Variants in ADK observed in about 807,000 individuals in gnomAD.
ADK encodes the protein adenosine kinase.
ADK carries 24 observed loss-of-function variants against 44.7 expected under a neutral mutation model. That is an observed-to-expected ratio of 0.54 (90% CI 0.39 to 0.76). The LOEUF is 0.76. Ranked by LOEUF, ADK falls within the 30% of genes least tolerant of loss-of-function variation. The probability of loss-of-function intolerance (pLI) is 0.00; values close to 1 mark genes in which losing one functional copy is unlikely to be tolerated. For synonymous variants in ADK, 128 were observed against 142.6 expected (o/e 0.90, Z 0.73); for missense variants, 321 against 425.1 (o/e 0.76, Z 2.15).
intron 6 of ADK, among the ~76,000 whole-genome samples, chr10:74,412,511 C>CCCCAAACCCAT (rs1263564800): frequency 6.6e-6 from 1 of 152,138 alleles, no homozygotes; most frequent in East Asian, 1.9e-4. Context: ...TCTGCCCAAA[C>CCCCAAACCCAT]CCATCAGATG....
At chr10:74,328,901 C>T (rs1841113275) in intron 4 of ADK, among the ~76,000 whole-genome samples, 1 of 151,634 alleles carries the variant, frequency 6.6e-6, no homozygotes, top group Non-Finnish European at 1.5e-5. Flanking sequence ...AATGAGACAC[C>T]ATCCTGAGTT....
At chr10:74,541,797 C>CCA (rs1554878469) in intron 7 of ADK, among the ~76,000 whole-genome samples, 1 of 125,006 alleles carries the variant, frequency 8.0e-6, no homozygotes, top group African/African-American at 3.1e-5. Context: ...CCCACACACC[C>CCA]CCCCCCCCTA....
At position 74,327,935 on chromosome 10, in the gene ADK, G is replaced by A. The variant is rs188358699; in HGVS notation, c.273+13190G>A. On this transcript the variant is annotated intron_variant, in intron 4 of 10. Transcript: ENST00000539909. ...ATTTTGAATTTTTTTCTGAGATACAGTCTCACTCTGTCACCCAGGCTGGAG... is the reference window on the plus strand; with the variant it reads ...ATTTTGAATTTTTTTCTGAGATACAATCTCACTCTGTCACCCAGGCTGGAG... 5.8e-4 allele frequency among the ~76,000 whole-genome samples: 88 copies of A among 152,124 alleles called. No homozygotes were observed. The South Asian group carries it at 7.3e-3, about 13-fold the overall frequency.
chr10:74,318,346 G>A (rs1305435406), intron 4 of ADK, among the ~76,000 whole-genome samples: 2 of 152,010 alleles, frequency 1.3e-5, no homozygotes, highest in Non-Finnish European at 2.9e-5. Context: ...ATTTGTTGTA[G>A]AGACAGGGTC....
intron 6 of ADK, among the ~76,000 whole-genome samples, chr10:74,416,571 T>G (rs530265873): frequency 1.4e-4 from 3 of 21,882 alleles, no homozygotes; most frequent in Admixed American, 5.8e-4. Flanking sequence ...TTTGTTTCTG[T>G]TTTTTTTTTG....
Position 74,202,900 on chromosome 10 carries a change from G to A in ADK, c.140+2062G>A, listed in dbSNP as rs187531852. ...TTTGCAAACATTTTCTCCCATTCTG[G>A]GGATTTACTTTAATTTTTTGATAGT... On this transcript the variant is annotated intron_variant, in intron 2 of 10. Transcript: ENST00000539909. 8.5e-5 allele frequency among the ~76,000 whole-genome samples: 13 copies of A among 152,146 alleles called. No individual in the cohort carries two copies. The East Asian group carries it at 2.5e-3, about 29-fold the overall frequency.
intron 7 of ADK, among the ~76,000 whole-genome samples, chr10:74,544,203 C>G (rs528588380): frequency 1.3e-5 from 2 of 152,328 alleles, no homozygotes; most frequent in East Asian, 3.9e-4. Context: ...CAGTGACTTT[C>G]ATTCTTCACT....
At chr10:74,442,794 G>C (rs1845468223) in intron 6 of ADK, among the ~76,000 whole-genome samples, 1 of 152,154 alleles carries the variant, frequency 6.6e-6, no homozygotes. Context: ...GATAAAGAAA[G>C]TATATGTATA....
chr10:74,213,863 G>A (rs1328510853), intron 2 of ADK, among the ~76,000 whole-genome samples: 2 of 152,222 alleles, frequency 1.3e-5, no homozygotes, highest in African/African-American at 4.8e-5. Context: ...CGGTTTTGCT[G>A]ATGTGACCCA....
intron 3 of ADK, among the ~76,000 whole-genome samples, chr10:74,295,316 G>A (rs565609734): frequency 6.7e-6 from 1 of 149,302 alleles, no homozygotes; most frequent in Non-Finnish European, 1.5e-5. Flanking sequence ...ACAAAAATTA[G>A]CCGGGCATGG....
chr10:74,674,905 T>TTAAC (rs57862529), intron 10 of ADK, among the ~76,000 whole-genome samples: 6 of 151,924 alleles, frequency 3.9e-5, no homozygotes, highest in Middle Eastern at 6.9e-3. Flanking sequence ...AATTAATTAA[T>TTAAC]AAAATAATTG....
At chr10:74,263,538 A>G (rs1846115255) in intron 3 of ADK, among the ~76,000 whole-genome samples, 1 of 152,206 alleles carries the variant, frequency 6.6e-6, no homozygotes, top group South Asian at 2.1e-4. Context: ...TTTGTTGAAG[A>G]TTTGGGTGGG....
chr10:74,707,763 C>CA (rs565886417), intron 10 of ADK, among the ~76,000 whole-genome samples: 51,783 of 103,794 alleles, frequency 0.5, 13,345 homozygotes, highest in Middle Eastern at 0.66. Flanking sequence ...AACTCCACCT[C>CA]AAAAAAAAAA....
intron 3 of ADK, among the ~76,000 whole-genome samples, chr10:74,274,076 A>G (rs1846557636): frequency 6.6e-6 from 1 of 152,056 alleles, no homozygotes. Context: ...ATTGAACAAT[A>G]TGGGGGTTAG....
At chr10:74,497,875 G>A (rs1047916556) in intron 6 of ADK, among the ~76,000 whole-genome samples, 3 of 151,440 alleles carry the variant, frequency 2.0e-5, no homozygotes, top group Non-Finnish European at 2.9e-5. Flanking sequence ...AAGAGTTGAG[G>A]AAGACCTTTT....
At chr10:74,650,495 TGAG>T in intron 9 of ADK, among the ~76,000 whole-genome samples, 1 of 152,242 alleles carries the variant, frequency 6.6e-6, no homozygotes, top group Non-Finnish European at 1.5e-5. Context: ...TTATCTAAAA[TGAG>T]GTATTAAAAT....
intron 6 of ADK, among the ~76,000 whole-genome samples, chr10:74,499,777 T>C (rs1315224002): frequency 2.0e-5 from 3 of 152,202 alleles, no homozygotes; most frequent in Admixed American, 2.0e-4. Flanking sequence ...GTCAAGAAAT[T>C]GGAAACAAAT....
At chr10:74,542,198 C>T (rs1056559092) in intron 7 of ADK, among the ~76,000 whole-genome samples, 4 of 152,186 alleles carry the variant, frequency 2.6e-5, no homozygotes, top group African/African-American at 4.8e-5. Flanking sequence ...GAAGCAAATG[C>T]TCCCTCAAAC....
At chr10:74,509,929 G>A (rs1848239140) in intron 6 of ADK, among the ~76,000 whole-genome samples, 1 of 151,938 alleles carries the variant, frequency 6.6e-6, no homozygotes, top group South Asian at 2.1e-4. Context: ...CTTTTTTATG[G>A]CTGAATGGTT....
Sources: gnomAD v4.1 joint callset for allele counts (sites outside exome capture counted in the v4.1 genomes callset) on GRCh38, gnomAD v4.1.1 for gene constraint, MANE v1.5 for transcripts, NCBI Gene and HGNC (gene_info 2026-07-23, HGNC 2026-07-21) for gene names.